SCFD2: variants seen among roughly 807,000 people sequenced by gnomAD.
The protein encoded by SCFD2 is sec1 family domain containing 2.
A neutral mutation model predicts 58.9 loss-of-function variants in SCFD2; 54 were observed. That is an observed-to-expected ratio of 0.92 (90% CI 0.74 to 1.15). The LOEUF is 1.15. Among genes scored for constraint, SCFD2 ranks in the 50% most tolerant of loss-of-function variants. SCFD2 has a pLI of 0.00. For synonymous variants in SCFD2, 321 were observed against 335.9 expected (o/e 0.96, Z 0.49); for missense variants, 805 against 836.6 (o/e 0.96, Z 0.47).
At chr4:52,899,409 A>T (rs1358062147) in intron 7 of SCFD2, among the ~76,000 whole-genome samples, 2 of 152,104 alleles carry the variant, frequency 1.3e-5, no homozygotes, top group Non-Finnish European at 2.9e-5. Context: ...TCACTTATGA[A>T]GCTTAGTTTG....
intron 6 of SCFD2, among the ~76,000 whole-genome samples, chr4:52,913,278 A>G (rs1489015140): frequency 6.6e-6 from 1 of 152,122 alleles, no homozygotes. Flanking sequence ...GTGAGCAGTG[A>G]GTGAATGAGT....
At chr4:53,294,380 T>C (rs1731948644) in intron 3 of SCFD2, among the ~76,000 whole-genome samples, 1 of 152,254 alleles carries the variant, frequency 6.6e-6, no homozygotes, top group Admixed American at 6.5e-5. Context: ...TGATTTGCAT[T>C]TCTCTGATGA....
intron 4 of SCFD2, among the ~76,000 whole-genome samples, chr4:53,259,008 C>T (rs990816538): frequency 6.6e-6 from 1 of 152,084 alleles, no homozygotes; most frequent in African/African-American, 2.4e-5. Flanking sequence ...TGCTTGTCAG[C>T]CATTTCTATA....
At chr4:53,255,767 C>A (rs993164225) in intron 4 of SCFD2, among the ~76,000 whole-genome samples, 2 of 151,768 alleles carry the variant, frequency 1.3e-5, no homozygotes, top group South Asian at 4.2e-4. Context: ...CAGAGGGGCT[C>A]CTCACTTCCC....
At chr4:53,024,211 C>A (rs1722415459) in intron 5 of SCFD2, among the ~76,000 whole-genome samples, 1 of 151,926 alleles carries the variant, frequency 6.6e-6, no homozygotes, top group Non-Finnish European at 1.5e-5. Context: ...CTTACCTCCC[C>A]AAAAAGAAGG....
chr4:52,896,478 C>T (rs371858249), intron 7 of SCFD2, among the ~76,000 whole-genome samples: 23 of 151,508 alleles, frequency 1.5e-4, no homozygotes, highest in East Asian at 1.2e-3. Context: ...TGTAGATATG[C>T]GGCATTATTT....
At chr4:52,950,966 C>T (rs891817395) in intron 5 of SCFD2, 4 of 152,156 alleles carry the variant, frequency 2.6e-5, no homozygotes, top group African/African-American at 9.7e-5. Context: ...CAATTCCGTT[C>T]CCCCACTTAG....
intron 4 of SCFD2, among the ~76,000 whole-genome samples, chr4:53,207,344 G>A (rs1005721054): frequency 6.8e-6 from 1 of 147,940 alleles, no homozygotes; most frequent in African/African-American, 2.5e-5. Flanking sequence ...GGCAAGAGGG[G>A]AGAATTTTTT....
intron 2 of SCFD2, 112 bp from the exon 3 acceptor site, chr4:53,313,875 C>A: frequency 1.1e-6 from 1 of 885,478 alleles, no homozygotes. Context: ...GTAGTCTTTC[C>A]TACTGATAGA....
In SCFD2 at chr4:52,905,841, A is replaced by C. The variant is rs193233352; in HGVS notation, c.1842+1616T>G. 9.9e-4 allele frequency among the ~76,000 whole-genome samples: 151 copies of C among 152,082 alleles called. 1 individual carries two copies. The highest frequency in any genetic ancestry group is 1.5e-3 in the Non-Finnish European group (102 of 67,986). On this transcript the variant is annotated intron_variant, in intron 7 of 8. Transcript: ENST00000401642. ...ATGATCAACAACAACAACAAGTGAC[A>C]CTCTTGTTTCATCAAACAGTGACAG...
At chr4:53,293,952 C>T (rs1174601498) in intron 3 of SCFD2, among the ~76,000 whole-genome samples, 3 of 147,552 alleles carry the variant, frequency 2.0e-5, no homozygotes, top group Admixed American at 6.9e-5. Flanking sequence ...AATTGTTCAA[C>T]TCCGACTTAT....
At chr4:53,253,638 A>G (rs1361157377) in intron 4 of SCFD2, among the ~76,000 whole-genome samples, 2 of 151,122 alleles carry the variant, frequency 1.3e-5, no homozygotes, top group Admixed American at 6.6e-5. Flanking sequence ...CTATCGCAAG[A>G]ACAAAAAACC....
At chr4:53,242,316 T>A (rs886268355) in intron 4 of SCFD2, among the ~76,000 whole-genome samples, 2 of 152,188 alleles carry the variant, frequency 1.3e-5, no homozygotes, top group Non-Finnish European at 2.9e-5. Context: ...ACAAAGCCAG[T>A]GCCAATACCA....
At chr4:52,980,520 A>G (rs1721352763) in intron 5 of SCFD2, among the ~76,000 whole-genome samples, 1 of 152,118 alleles carries the variant, frequency 6.6e-6, no homozygotes, top group African/African-American at 2.4e-5. Context: ...AAGTTAGCTC[A>G]TGTTGTTATT....
At chr4:53,195,102 C>T (rs762592208) in intron 4 of SCFD2, among the ~76,000 whole-genome samples, 4 of 152,080 alleles carry the variant, frequency 2.6e-5, no homozygotes, top group Admixed American at 6.6e-5. Flanking sequence ...TTACAAGGAC[C>T]GGCTCTGCCA....
chr4:53,049,539 C>A (rs1723131625), intron 5 of SCFD2, among the ~76,000 whole-genome samples: 1 of 152,148 alleles, frequency 6.6e-6, no homozygotes, highest in Non-Finnish European at 1.5e-5. Flanking sequence ...GATTCAAACC[C>A]AGGCAGTCTG....
At chr4:53,196,134 T>C (rs376466972) in intron 4 of SCFD2, among the ~76,000 whole-genome samples, 1 of 152,196 alleles carries the variant, frequency 6.6e-6, no homozygotes, top group Non-Finnish European at 1.5e-5. Context: ...TTTGTCTTTT[T>C]AAAAATCCTT....
At position 53,214,068 on chromosome 4, in the gene SCFD2, CG is replaced by C. The variant is rs539950450; in HGVS notation, c.1311+59757del. Among the ~76,000 whole-genome samples, 1,238 of 152,098 alleles carry C rather than the reference CG, an allele frequency of 8.1e-3. 24 individuals are homozygous for C. The highest frequency in any genetic ancestry group is 0.028 in the African/African-American group (1,168 of 41,448). ...TCCAGTCTATCATTCATGGACATTTCGGTTGATTTCAAGTCTTTGCTATTGT... is the reference window on the plus strand; with the variant it reads ...TCCAGTCTATCATTCATGGACATTTCGTTGATTTCAAGTCTTTGCTATTGT... On this transcript the variant is annotated intron_variant, in intron 4 of 8. Coordinates refer to ENST00000401642, the MANE Select transcript of SCFD2 (RefSeq NM_152540.4).
intron 2 of SCFD2, among the ~76,000 whole-genome samples, chr4:53,338,569 A>G (rs1363652620): frequency 1.7e-5 from 1 of 58,376 alleles, no homozygotes; most frequent in Non-Finnish European, 3.5e-5. Context: ...AAAGCAGTAT[A>G]TTTTTCTTTT....
Sources: gnomAD v4.1 joint callset for allele counts (sites outside exome capture counted in the v4.1 genomes callset) on GRCh38, gnomAD v4.1.1 for gene constraint, MANE v1.5 for transcripts, NCBI Gene and HGNC (gene_info 2026-07-23, HGNC 2026-07-21) for gene names.